MSH3: variants seen among roughly 807,000 people sequenced by gnomAD.
MSH3 encodes mutS homolog 3.
In MSH3, 106 loss-of-function variants were observed where a neutral mutation model predicts 123.3. The observed-to-expected ratio is 0.86, with a 90% CI of 0.73 to 1.01. The LOEUF is 1.01. MSH3 is among the 50% of genes least tolerant of loss of function. MSH3 has a pLI of 0.00. For synonymous variants in MSH3, 515 were observed against 481.4 expected, an observed-to-expected ratio of 1.07 and a Z score of -0.91; for missense variants, 1,459 against 1,347.6, an observed-to-expected ratio of 1.08 and a Z score of -1.29.
intron 20 of MSH3, among the ~76,000 whole-genome samples, chr5:80,847,071 T>C (rs1374331752): frequency 6.6e-6 from 1 of 151,908 alleles, no homozygotes; most frequent in African/African-American, 2.4e-5. Context: ...TTTTTGGATT[T>C]TTTTCTGAGA....
intron 10 of MSH3, among the ~76,000 whole-genome samples, chr5:80,731,150 C>T (rs1743405202): frequency 6.6e-6 from 1 of 151,964 alleles, no homozygotes; most frequent in South Asian, 2.1e-4. Context: ...GTGATCTGCC[C>T]ACTTGGCCTC....
intron 8 of MSH3, among the ~76,000 whole-genome samples, chr5:80,691,834 A>G (rs1580564300): frequency 6.8e-6 from 1 of 147,260 alleles, no homozygotes; most frequent in Admixed American, 6.8e-5. Flanking sequence ...TATATAGATA[A>G]ATAAACATGT....
chr5:80,752,537 T>G lies in MSH3; in HGVS notation c.1763+7922T>G, dbSNP rs189537292. Among the ~76,000 whole-genome samples the G allele has an allele frequency of 3.6e-4, 55 of 152,270 alleles. No individual in the cohort carries two copies. In the East Asian group the frequency reaches 0.01, roughly 28 times the overall value. ...GAGTTAATGATACTTCAGCTTGAGT[T>G]CTGATTCCCTTTTGTCACTTTGGAG... On this transcript the variant is annotated intron_variant, in intron 12 of 23. Coordinates refer to ENST00000265081, the MANE Select transcript of MSH3 (RefSeq NM_002439.5).
At chr5:80,681,641 T>G (rs1269133841) in intron 8 of MSH3, among the ~76,000 whole-genome samples, 1 of 151,274 alleles carries the variant, frequency 6.6e-6, no homozygotes, top group Non-Finnish European at 1.5e-5. Context: ...TTAGTATATA[T>G]TTTATTAACT....
At chr5:80,831,904 C>T (rs977339532) in intron 20 of MSH3, among the ~76,000 whole-genome samples, 76 of 151,976 alleles carry the variant, frequency 5.0e-4, no homozygotes, top group African/African-American at 1.8e-3. Context: ...GTCAGGAGAT[C>T]GAGACCATCC....
At chr5:80,740,686 A>G (rs1194169643) in intron 10 of MSH3, among the ~76,000 whole-genome samples, 1 of 151,452 alleles carries the variant, frequency 6.6e-6, no homozygotes, top group Non-Finnish European at 1.5e-5. Context: ...TTACAGAGTA[A>G]ATAACACTTG....
At chr5:80,714,135 T>A (rs1387829258) in intron 8 of MSH3, among the ~76,000 whole-genome samples, 3 of 139,678 alleles carry the variant, frequency 2.1e-5, no homozygotes, top group Admixed American at 2.1e-4. Context: ...ATAGACTTTT[T>A]TTTTTTTTTT....
intron 19 of MSH3, among the ~76,000 whole-genome samples, chr5:80,808,733 A>G (rs980480998): frequency 1.1e-4 from 17 of 151,794 alleles, no homozygotes; most frequent in African/African-American, 4.1e-4. Flanking sequence ...AAGAACATAT[A>G]CATGATTGTA....
chr5:80,704,857 G>A (rs574889100), intron 8 of MSH3, among the ~76,000 whole-genome samples: 28 of 152,026 alleles, frequency 1.8e-4, no homozygotes, highest in Non-Finnish European at 3.8e-4. Flanking sequence ...CTTGTCCCTC[G>A]CTTTGGGCTC....
rs550246954 is a variant in MSH3, at chr5:80,712,676, A to G, written c.1341-12777A>G. Among the ~76,000 whole-genome samples the G allele has an allele frequency of 7.1e-5, 10 of 141,436 alleles. No homozygotes were observed. In the East Asian group the frequency reaches 1.9e-3, roughly 27 times the overall value. The allele number at this position is 141,436 out of a possible 152,430, so 92.8% of individuals were successfully genotyped here. On this transcript the variant is annotated intron_variant, in intron 8 of 23. Transcript: ENST00000265081. Reference sequence around the variant, plus strand: ...TTTAGCCCTTTAATATGTCAGATATATTTGATATTAGTTTATACTATTTTG... The same window carrying G: ...TTTAGCCCTTTAATATGTCAGATATGTTTGATATTAGTTTATACTATTTTG...
intron 2 of MSH3, among the ~76,000 whole-genome samples, chr5:80,659,541 G>GT (rs34099716): frequency 0.26 from 39,042 of 152,090 alleles, 5,184 homozygotes; most frequent in Middle Eastern, 0.33. Flanking sequence ...TTACTGTAAT[G>GT]TTTTCAAGGC....
intron 12 of MSH3, among the ~76,000 whole-genome samples, chr5:80,750,790 G>C (rs1002592711): frequency 2.6e-5 from 4 of 152,074 alleles, no homozygotes; most frequent in Non-Finnish European, 4.4e-5. Context: ...GCATCCCAAG[G>C]CTTTTTCTCA....
At position 80,675,058 on chromosome 5, in the gene MSH3, T is replaced by C; in HGVS notation, c.1103T>C (p.Leu368Pro). The C allele has an allele frequency of 6.2e-7, 1 of 1,613,722 alleles. No homozygotes were observed. Among genetic ancestry groups the C allele is most frequent in the Non-Finnish European group, 8.5e-7 (1 of 1,179,724 alleles). Residue 368 changes from leucine to proline, a missense_variant, in exon 7 of 24, where the codon CTT (leucine) becomes CCT (proline). Transcript: ENST00000265081. ...EIMTDTSTSYLLCISENKENV... is the reference protein window; with the variant it reads ...EIMTDTSTSYPLCISENKENV... ...ATGACTGATACTTCTACCAGCTATC[T>C]TCTGTGCATCTCTGAAAATAAGGAA...
In MSH3 at chr5:80,679,087, C is replaced by T. The variant is rs757763271; in HGVS notation, c.1334C>T (p.Ser445Phe). The change falls in exon 8 of 24, where the codon TCT becomes TTT. Residue 445 changes from serine (S) to phenylalanine (F), a missense_variant. Coordinates refer to ENST00000265081, the MANE Select transcript of MSH3 (RefSeq NM_002439.5). ...GAGGCGCTCATCCACAGAGCCACAT[C>T]TGTTAGGTAAGTTGGCACATCACTG... ...QTEALIHRATSVSVQDDRIRV... is the reference protein window; with the variant it reads ...QTEALIHRATFVSVQDDRIRV... The T allele has an allele frequency of 6.2e-7, 1 of 1,613,998 alleles. No homozygotes were observed. Among genetic ancestry groups the T allele is most frequent in the Non-Finnish European group, 8.5e-7 (1 of 1,179,980 alleles).
intron 22 of MSH3, among the ~76,000 whole-genome samples, chr5:80,869,782 G>GTATACATATATACATATATACATATA (rs201470242): frequency 7.0e-5 from 9 of 129,220 alleles, no homozygotes; most frequent in Non-Finnish European, 1.3e-4. Flanking sequence ...CTTTATATAT[G>GTATACATATATACATATATACATATA]TATACATATA....
chr5:80,754,736 C>T (rs1213725593), intron 12 of MSH3, among the ~76,000 whole-genome samples: 2 of 152,220 alleles, frequency 1.3e-5, no homozygotes, highest in African/African-American at 4.8e-5. Context: ...TTTTGCATGA[C>T]TTTCTGATGT....
Position 80,817,507 on chromosome 5 carries a change from G to C in MSH3, c.2813+3766G>C, listed in dbSNP as rs553566396. ...TTGTTTTTAAATGGTAGACTTGAAC[G>C]TACTTCAATGGGATATCCAGTGGGA... On this transcript the variant is annotated intron_variant, in intron 20 of 23. Coordinates refer to ENST00000265081, the MANE Select transcript of MSH3 (RefSeq NM_002439.5). Among the ~76,000 whole-genome samples, 29 of 152,138 alleles carry C rather than the reference G, an allele frequency of 1.9e-4. No homozygotes were observed. In the East Asian group the frequency reaches 5.2e-3, roughly 27 times the overall value.
intron 20 of MSH3, among the ~76,000 whole-genome samples, chr5:80,828,298 A>G (rs1335964998): frequency 2.0e-5 from 3 of 152,156 alleles, no homozygotes; most frequent in South Asian, 2.1e-4. Context: ...ACCCACTCCT[A>G]TGATAACCCA....
At chr5:80,825,533 A>G (rs970690465) in intron 20 of MSH3, among the ~76,000 whole-genome samples, 2 of 152,154 alleles carry the variant, frequency 1.3e-5, no homozygotes, top group African/African-American at 2.4e-5. Flanking sequence ...TTGCAAATAT[A>G]AACAGTCATA....
Sources: gnomAD v4.1 joint callset for allele counts (sites outside exome capture counted in the v4.1 genomes callset) on GRCh38, gnomAD v4.1.1 for gene constraint, MANE v1.5 for transcripts, NCBI Gene and HGNC (gene_info 2026-07-23, HGNC 2026-07-21) for gene names.